DTNB: variants seen among roughly 807,000 people sequenced by gnomAD.
The protein encoded by DTNB is DTN-B.
In DTNB, 63 loss-of-function variants were observed where a neutral mutation model predicts 90.7. The observed-to-expected ratio is 0.69, with a 90% CI of 0.57 to 0.86. The LOEUF (loss-of-function observed/expected upper bound fraction) is 0.86. DTNB is among the 40% of genes least tolerant of loss of function. The pLI is 0.00. For synonymous variants in DTNB, 277 were observed against 286.7 expected (o/e 0.97, Z 0.34); for missense variants, 744 against 807.1 (o/e 0.92, Z 0.95).
chr2:25,475,294 G>C (rs1216174004), intron 10 of DTNB, among the ~76,000 whole-genome samples: 1 of 152,226 alleles, frequency 6.6e-6, no homozygotes, highest in African/African-American at 2.4e-5. Flanking sequence ...CAGCCTCATT[G>C]CTGATGTAGT....
At chr2:25,629,530 G>T (rs535630823) in intron 3 of DTNB, among the ~76,000 whole-genome samples, 1 of 152,060 alleles carries the variant, frequency 6.6e-6, no homozygotes, top group Non-Finnish European at 1.5e-5. Flanking sequence ...GTTTGTAAGG[G>T]ATATGTCTAA....
Position 25,520,243 on chromosome 2 carries a change from G to A in DTNB, c.1001+11230C>T, listed in dbSNP as rs77900811. Among the ~76,000 whole-genome samples, 446 of 152,244 alleles carry A rather than the reference G, an allele frequency of 2.9e-3. 16 individuals carry two copies. In the East Asian group the frequency reaches 0.073, roughly 25 times the overall value. On this transcript the variant is annotated intron_variant, in intron 9 of 20. Coordinates refer to ENST00000406818, the MANE Select transcript of DTNB (RefSeq NM_021907.5). ...CTAAACATACAAAAATTAGCCAGGC[G>A]TGGTGTGTGACCCAGCTACTTGGGT...
chr2:25,530,923 T>C (rs1416364528), intron 9 of DTNB, among the ~76,000 whole-genome samples: 1 of 152,260 alleles, frequency 6.6e-6, no homozygotes, highest in Non-Finnish European at 1.5e-5. Context: ...TCTTTCTCTA[T>C]TTCTCAACTT....
chr2:25,462,516 C>T (rs985906035), intron 10 of DTNB, among the ~76,000 whole-genome samples: 4 of 152,108 alleles, frequency 2.6e-5, no homozygotes, highest in African/African-American at 4.8e-5. Context: ...TATGCTTAGT[C>T]CCCTCATCTG....
At chr2:25,422,106 G>T (rs182610991) in intron 15 of DTNB, among the ~76,000 whole-genome samples, 31 of 152,304 alleles carry the variant, frequency 2.0e-4, no homozygotes, top group Admixed American at 6.5e-4. Context: ...CAACTAGTCA[G>T]GTGGGGTCAC....
rs148699713 is a variant in DTNB, at chr2:25,430,190, G to A, written c.1458-2559C>T. 7.2e-5 allele frequency among the ~76,000 whole-genome samples: 11 copies of A among 152,146 alleles called. No individual in the cohort carries two copies. In the East Asian group the frequency reaches 2.1e-3, roughly 29 times the overall value. On this transcript the variant is annotated intron_variant, in intron 14 of 20. Transcript: ENST00000406818. ...TATATTATATATATTTCCCTACACA[G>A]ATTTCTTATCCATACTGTTTATTGA...
intron 8 of DTNB, among the ~76,000 whole-genome samples, chr2:25,538,495 A>G (rs1314084584): frequency 6.6e-6 from 1 of 152,168 alleles, no homozygotes; most frequent in East Asian, 1.9e-4. Flanking sequence ...CTTGCTGCCC[A>G]GTCTGGAGTG....
At chr2:25,379,420 C>T (rs763851120) in intron 19 of DTNB, 97 bp from the exon 20 acceptor site, 15 of 1,258,602 alleles carry the variant, frequency 1.2e-5, no homozygotes, top group Non-Finnish European at 1.5e-5. Context: ...CAACCCACCC[C>T]AGGGGCTTCC....
intron 9 of DTNB, among the ~76,000 whole-genome samples, chr2:25,517,012 G>A (rs1398433659): frequency 6.6e-6 from 1 of 152,186 alleles, no homozygotes; most frequent in East Asian, 1.9e-4. Flanking sequence ...AATGTTCATA[G>A]CAGCGTTATT....
intron 9 of DTNB, among the ~76,000 whole-genome samples, chr2:25,514,748 G>A (rs1188336307): frequency 1.4e-5 from 2 of 146,560 alleles, no homozygotes; most frequent in Non-Finnish European, 3.0e-5. Flanking sequence ...GAGTGCAGTG[G>A]CTCTCGGCTA....
chr2:25,613,281 G>A (rs1227132820), intron 4 of DTNB, among the ~76,000 whole-genome samples: 1 of 152,070 alleles, frequency 6.6e-6, no homozygotes, highest in Non-Finnish European at 1.5e-5. Flanking sequence ...GAATACACGT[G>A]CAGGTTTATT....
At chr2:25,630,061 A>T (rs921328704) in intron 3 of DTNB, among the ~76,000 whole-genome samples, 1 of 152,236 alleles carries the variant, frequency 6.6e-6, no homozygotes, top group African/African-American at 2.4e-5. Context: ...AACCCAATTT[A>T]AAAATGGGAA....
At chr2:25,446,141 A>T (rs187989721) in intron 12 of DTNB, among the ~76,000 whole-genome samples, 4 of 152,212 alleles carry the variant, frequency 2.6e-5, no homozygotes, top group South Asian at 2.1e-4. Flanking sequence ...TTGACAGTTC[A>T]TCTAGTTCCT....
At chr2:25,634,217 CCCT>C in intron 3 of DTNB, among the ~76,000 whole-genome samples, 1 of 125,754 alleles carries the variant, frequency 8.0e-6, no homozygotes, top group Admixed American at 7.9e-5. Flanking sequence ...CGGCCAGCCG[CCCT>C]GTCCGGGAGG....
At chr2:25,653,915 T>TTTACTCCCG (rs1248585727) in intron 1 of DTNB, among the ~76,000 whole-genome samples, 2 of 152,130 alleles carry the variant, frequency 1.3e-5, no homozygotes, top group Admixed American at 1.3e-4. Flanking sequence ...CAATGTGCCT[T>TTTACTCCCG]TTACTCCCGC....
chr2:25,510,131 A>T (rs570177974), intron 9 of DTNB, among the ~76,000 whole-genome samples: 22 of 151,804 alleles, frequency 1.4e-4, no homozygotes, highest in Non-Finnish European at 2.5e-4. Context: ...CTTACCAAGA[A>T]TTTTTTTTAT....
chr2:25,466,746 T>G (rs184516862), intron 10 of DTNB, among the ~76,000 whole-genome samples: 108 of 152,362 alleles, frequency 7.1e-4, no homozygotes, highest in Non-Finnish European at 1.2e-3. Flanking sequence ...GGCACCTAAA[T>G]TTTTATATAT....
intron 4 of DTNB, among the ~76,000 whole-genome samples, chr2:25,626,041 C>A (rs1211383520): frequency 6.6e-6 from 1 of 152,154 alleles, no homozygotes; most frequent in African/African-American, 2.4e-5. Flanking sequence ...AACTTCCCAG[C>A]CTCCAGAATT....
At chr2:25,380,465 AC>A (rs1174736571) in intron 19 of DTNB, among the ~76,000 whole-genome samples, 2 of 152,218 alleles carry the variant, frequency 1.3e-5, no homozygotes, top group African/African-American at 4.8e-5. Context: ...AAAAAACTCT[AC>A]CATCTCTCAC....
Sources: allele counts gnomAD v4.1 joint callset (sites outside exome capture counted in the v4.1 genomes callset), GRCh38; gene constraint gnomAD v4.1.1; transcripts MANE v1.5; gene names NCBI Gene and HGNC (gene_info 2026-07-23, HGNC 2026-07-21).